The following SMCO2 variants were observed in gnomAD, a reference collection of about 807,000 sequenced individuals.
SMCO2 encodes the protein single-pass membrane and coiled-coil domain-containing protein 2.
A neutral mutation model predicts 29.5 loss-of-function variants in SMCO2; 25 were observed. The observed-to-expected ratio is 0.85, with a 90% CI of 0.62 to 1.18. SMCO2 has a LOEUF of 1.18. Ranked by LOEUF, SMCO2 falls within the 50% of genes most tolerant of loss-of-function variation. The pLI is 0.00. For missense variants in SMCO2, 348 were observed against 344.5 expected (o/e 1.01, Z -0.08); for synonymous variants, 117 against 123.3 (o/e 0.95, Z 0.34).
chr12:27,427,277 G>T, the SMCO2 span, among the ~76,000 whole-genome samples: 1 of 152,148 alleles, frequency 6.6e-6, no homozygotes, highest in African/African-American at 2.4e-5. Context: ...CAGATTATGG[G>T]TCTCCTCACG....
upstream of SMCO2, among the ~76,000 whole-genome samples, chr12:27,464,067 G>A (rs541284033): frequency 1.4e-4 from 22 of 152,224 alleles, no homozygotes; most frequent in East Asian, 1.7e-3. Flanking sequence ...TTGAAATTGC[G>A]AACAGCGTTT....
intron 7 of SMCO2, chr12:27,496,920 A>G (rs1188637392): frequency 6.6e-6 from 1 of 151,614 alleles, no homozygotes; most frequent in East Asian, 1.9e-4. Flanking sequence ...GACGTATACA[A>G]GATGCTCATA....
At chr12:27,433,506 TACACACACACACACACAC>T in the SMCO2 span, among the ~76,000 whole-genome samples, 1 of 147,866 alleles carries the variant, frequency 6.8e-6, no homozygotes, top group Non-Finnish European at 1.5e-5. Context: ...CAGATGTGTA[TACACACACACACACACAC>T]ACACACACAC....
At chr12:27,446,791 A>T in the SMCO2 span, among the ~76,000 whole-genome samples, 2 of 152,034 alleles carry the variant, frequency 1.3e-5, no homozygotes, top group African/African-American at 4.8e-5. Flanking sequence ...CTTAAACCTC[A>T]GGCTGCTGGG....
At chr12:27,495,382 A>G (rs1489163324) in intron 6 of SMCO2, among the ~76,000 whole-genome samples, 1 of 150,820 alleles carries the variant, frequency 6.6e-6, no homozygotes, top group Non-Finnish European at 1.5e-5. Context: ...TGCATAGATG[A>G]ACGAGTTGAG....
In SMCO2 at chr12:27,472,772, G is replaced by C. The variant is rs1235548929; in HGVS notation, c.135-4G>C. On this transcript the variant is annotated splice_polypyrimidine_tract_variant and splice_region_variant and intron_variant, in intron 2 of 7. Coordinates refer to ENST00000298876, the Ensembl canonical transcript of SMCO2. ...AGCCTCTGTTTGGATTGTGTGGCTTGCAGTTTGCTAAAGGAAATTATCAAA... is the reference window on the plus strand; with the variant it reads ...AGCCTCTGTTTGGATTGTGTGGCTTCCAGTTTGCTAAAGGAAATTATCAAA... The C allele has an allele frequency of 2.6e-6, 4 of 1,549,648 alleles. No individual in the cohort carries two copies. The highest frequency in any genetic ancestry group is 3.5e-6 in the Non-Finnish European group (4 of 1,145,766).
At chr12:27,433,694 A>G in the SMCO2 span, among the ~76,000 whole-genome samples, 1 of 152,372 alleles carries the variant, frequency 6.6e-6, no homozygotes, top group East Asian at 1.9e-4. Flanking sequence ...GTCATTATTA[A>G]TTGGATATCT....
At chr12:27,447,882 G>A in the SMCO2 span, among the ~76,000 whole-genome samples, 4 of 152,186 alleles carry the variant, frequency 2.6e-5, no homozygotes, top group South Asian at 2.1e-4. Context: ...CTGGACTTAC[G>A]CGTCTGAGCC....
intron 4 of SMCO2, among the ~76,000 whole-genome samples, chr12:27,479,531 G>C (rs1164409456): frequency 6.6e-6 from 1 of 152,174 alleles, no homozygotes; most frequent in Non-Finnish European, 1.5e-5. Flanking sequence ...GTTTATTAGG[G>C]AGAACTGGCT....
At chr12:27,484,871 A>AAAAT (rs1555174672) in intron 4 of SMCO2, among the ~76,000 whole-genome samples, 3 of 77,230 alleles carry the variant, frequency 3.9e-5, no homozygotes, top group Non-Finnish European at 6.8e-5. Flanking sequence ...AAAAAAAAAA[A>AAAAT]ATATATATAT....
At chr12:27,493,116 G>A (rs117271405) in intron 5 of SMCO2, among the ~76,000 whole-genome samples, 1,870 of 152,256 alleles carry the variant, frequency 0.012, 14 homozygotes, top group South Asian at 0.031. Context: ...TCATTTATAA[G>A]TGGGAGCCAA....
intron 1 of SMCO2, among the ~76,000 whole-genome samples, chr12:27,468,263 T>C (rs1299166398): frequency 6.6e-6 from 1 of 152,228 alleles, no homozygotes; most frequent in Non-Finnish European, 1.5e-5. Flanking sequence ...AAGAAGGTGA[T>C]AGTCTAGAAC....
the SMCO2 span, among the ~76,000 whole-genome samples, chr12:27,443,502 G>T: frequency 6.0e-4 from 91 of 152,250 alleles, no homozygotes; most frequent in African/African-American, 2.1e-3. Flanking sequence ...CGTAATATTG[G>T]AAAGTCCTGG....
At chr12:27,500,471 T>A (rs1466917635) in intron 7 of SMCO2, among the ~76,000 whole-genome samples, 1 of 150,844 alleles carries the variant, frequency 6.6e-6, no homozygotes, top group East Asian at 1.9e-4. Context: ...TATAGTTTCC[T>A]CATTTCTCTG....
chr12:27,459,512 T>G, the SMCO2 span, among the ~76,000 whole-genome samples: 12 of 152,104 alleles, frequency 7.9e-5, no homozygotes, highest in Non-Finnish European at 1.2e-4. Flanking sequence ...AAACTACCTA[T>G]CAGGTACTAT....
At chr12:27,488,337 C>T (rs1949706516) in intron 4 of SMCO2, 123 bp from the exon 6 acceptor site, 3 of 529,866 alleles carry the variant, frequency 5.7e-6, no homozygotes, top group Admixed American at 4.0e-5. Context: ...CATTGCAATA[C>T]AAGCACTACC....
At chr12:27,453,369 T>C in the SMCO2 span, among the ~76,000 whole-genome samples, 4 of 152,210 alleles carry the variant, frequency 2.6e-5, no homozygotes, top group Admixed American at 2.6e-4. Flanking sequence ...ATGTGAGTGC[T>C]ATTTCAGTGG....
At chr12:27,428,748 C>T in the SMCO2 span, among the ~76,000 whole-genome samples, 15 of 150,782 alleles carry the variant, frequency 9.9e-5, no homozygotes, top group East Asian at 2.9e-3. Flanking sequence ...CAATGCTTCT[C>T]ACATTTACTC....
rs1283236082 is a variant in SMCO2 at position 27,475,746 on chromosome 12, T to C, written c.362+833T>C. The C allele has an allele frequency of 6.7e-7, 1 of 1,488,844 alleles. No individual in the cohort carries two copies. Among genetic ancestry groups the C allele is most frequent in the Non-Finnish European group, 8.9e-7 (1 of 1,122,524 alleles). The allele number at this position is 1,488,844 out of a possible 1,614,324, so 92.2% of individuals were successfully genotyped here. On this transcript the variant is annotated intron_variant, in intron 4 of 7. Transcript: ENST00000298876. ...ACAGTGAAGAGGTAATTGTAGGGTG[T>C]TGGGGTTGGTCATAAAATAGCAGAA...
Sources: gnomAD v4.1 joint callset for allele counts (sites outside exome capture counted in the v4.1 genomes callset) on GRCh38, gnomAD v4.1.1 for gene constraint, MANE v1.5 for transcripts, NCBI Gene and HGNC (gene_info 2026-07-23, HGNC 2026-07-21) for gene names.